The following GALNT10 variants were observed in gnomAD, a reference collection of about 807,000 sequenced individuals.
GALNT10 encodes the protein GalNAc transferase 10.
Under a neutral mutation model 75.0 loss-of-function variants are expected in GALNT10, and 41 were observed. That is an observed-to-expected ratio of 0.55 (90% CI 0.43 to 0.71). The LOEUF (loss-of-function observed/expected upper bound fraction) is 0.71. GALNT10 is among the 30% of genes least tolerant of loss of function. The pLI is 0.00. For synonymous variants in GALNT10, 302 were observed against 313.0 expected (o/e 0.96, Z 0.37); for missense variants, 727 against 818.5 (o/e 0.89, Z 1.36).
chr5:154,238,707 T>G (rs1265949946), intron 1 of GALNT10, among the ~76,000 whole-genome samples: 1 of 152,174 alleles, frequency 6.6e-6, no homozygotes, highest in Non-Finnish European at 1.5e-5. Context: ...AAAGCGAAAT[T>G]GGCCTCATAA....
chr5:154,330,130 T>C (rs1754831052), intron 4 of GALNT10, among the ~76,000 whole-genome samples: 1 of 152,236 alleles, frequency 6.6e-6, no homozygotes, highest in Non-Finnish European at 1.5e-5. Flanking sequence ...TGTTTCTTTG[T>C]TTCTGCTTCC....
chr5:154,386,621 G>GGGGCTGGGC, intron 7 of GALNT10, 191 bp downstream of exon 7: 1 of 387,274 alleles, frequency 2.6e-6, no homozygotes, highest in African/African-American at 2.1e-5. Flanking sequence ...GTGTGGGAGG[G>GGGGCTGGGC]AAGGGGAGTA....
At chr5:154,229,789 T>C (rs1448283184) in intron 1 of GALNT10, among the ~76,000 whole-genome samples, 1 of 152,132 alleles carries the variant, frequency 6.6e-6, no homozygotes, top group East Asian at 1.9e-4. Context: ...GTCTTACTCC[T>C]TCCGTAGTAT....
intron 10 of GALNT10, among the ~76,000 whole-genome samples, chr5:154,415,344 AT>A (rs78241319): frequency 0.21 from 30,481 of 148,274 alleles, 3,192 homozygotes; most frequent in East Asian, 0.42. Flanking sequence ...TTGGTAACTT[AT>A]TTTTTTTTTT....
intron 1 of GALNT10, among the ~76,000 whole-genome samples, chr5:154,210,733 C>G (rs1326083844): frequency 6.6e-6 from 1 of 152,134 alleles, no homozygotes; most frequent in Non-Finnish European, 1.5e-5. Flanking sequence ...GGATTAGATC[C>G]TGAACCAGAA....
intron 6 of GALNT10, among the ~76,000 whole-genome samples, chr5:154,381,317 G>T (rs796648395): frequency 5.9e-5 from 9 of 152,336 alleles, no homozygotes; most frequent in African/African-American, 2.2e-4. Flanking sequence ...TAAGGCTCCA[G>T]AAGGAGGAGC....
At chr5:154,223,919 C>CAA (rs34549433) in intron 1 of GALNT10, among the ~76,000 whole-genome samples, 93 of 144,862 alleles carry the variant, frequency 6.4e-4, no homozygotes, top group Middle Eastern at 3.8e-3. Flanking sequence ...GACCCTGTCT[C>CAA]AAAAAAAAAA....
At chr5:154,202,834 G>C (rs1451501808) in intron 1 of GALNT10, among the ~76,000 whole-genome samples, 3 of 152,156 alleles carry the variant, frequency 2.0e-5, no homozygotes, top group Non-Finnish European at 4.4e-5. Flanking sequence ...CTCTCTGCTT[G>C]TGGGGGTGGG....
At chr5:154,191,116 C>T (rs1212544599) in intron 1 of GALNT10, 91 bp downstream of exon 1, 6 of 876,828 alleles carry the variant, frequency 6.8e-6, no homozygotes, top group Non-Finnish European at 9.4e-6. Flanking sequence ...TGCTGTCTGC[C>T]TCCTCAGAGT....
intron 2 of GALNT10, among the ~76,000 whole-genome samples, chr5:154,297,411 C>T (rs1754292437): frequency 6.6e-6 from 1 of 152,156 alleles, no homozygotes; most frequent in South Asian, 2.1e-4. Context: ...CATCTTTCCT[C>T]GTGTTTATGA....
intron 1 of GALNT10, among the ~76,000 whole-genome samples, chr5:154,204,093 C>T (rs1438258666): frequency 6.6e-6 from 1 of 152,198 alleles, no homozygotes; most frequent in African/African-American, 2.4e-5. Flanking sequence ...GGTTTTGAGG[C>T]AGGAGCCTGA....
intron 1 of GALNT10, among the ~76,000 whole-genome samples, chr5:154,290,863 C>A (rs185793403): frequency 6.6e-6 from 1 of 152,070 alleles, no homozygotes; most frequent in African/African-American, 2.4e-5. Context: ...GTAAGATGAG[C>A]GGAGGTGTAC....
chr5:154,355,131 G>C (rs1755267502), intron 4 of GALNT10, among the ~76,000 whole-genome samples: 1 of 152,172 alleles, frequency 6.6e-6, no homozygotes, highest in Non-Finnish European at 1.5e-5. Flanking sequence ...ACAGATGAGG[G>C]GTGGATGCTG....
intron 4 of GALNT10, among the ~76,000 whole-genome samples, chr5:154,355,992 CA>C (rs1755284773): frequency 6.6e-6 from 1 of 152,324 alleles, no homozygotes; most frequent in South Asian, 2.1e-4. Context: ...ACCTGGCTGC[CA>C]CTGTCAGACA....
intron 4 of GALNT10, among the ~76,000 whole-genome samples, chr5:154,350,540 A>G (rs1755191120): frequency 6.6e-6 from 1 of 152,244 alleles, no homozygotes; most frequent in African/African-American, 2.4e-5. Flanking sequence ...GTTATTCACC[A>G]TAATGCTGCT....
chr5:154,415,286 G>A (rs926833695), intron 10 of GALNT10, among the ~76,000 whole-genome samples: 2 of 152,158 alleles, frequency 1.3e-5, no homozygotes, highest in Non-Finnish European at 2.9e-5. Flanking sequence ...AATACTGTGA[G>A]GGTAAGGATA....
In GALNT10 at chr5:154,337,939, T is replaced by A. The variant is rs1416985550; in HGVS notation, c.568+8201T>A. ...CCATTCACAGGATGGTATTTCTGAA[T>A]GACAGTCTTATCCACGGAGTCATGG... On this transcript the variant is annotated intron_variant, in intron 4 of 11. Coordinates refer to ENST00000297107, the MANE Select transcript of GALNT10 (RefSeq NM_198321.4). 4 of 1,555,470 alleles carry A rather than the reference T, an allele frequency of 2.6e-6. No homozygotes were observed. The East Asian group carries it at 6.7e-5, about 26-fold the overall frequency.
At chr5:154,399,921 C>T (rs12656688) in intron 7 of GALNT10, among the ~76,000 whole-genome samples, 42,945 of 151,936 alleles carry the variant, frequency 0.28, 6,790 homozygotes, top group Non-Finnish European at 0.36. Flanking sequence ...GGTGGGAGGA[C>T]TGCTTGAGCC....
chr5:154,398,664 C>A (rs961482730), intron 7 of GALNT10, among the ~76,000 whole-genome samples: 1 of 152,232 alleles, frequency 6.6e-6, no homozygotes, highest in Non-Finnish European at 1.5e-5. Flanking sequence ...CCCACAACCA[C>A]ATGGAGCAGT....
Sources: gnomAD v4.1 joint callset for allele counts (sites outside exome capture counted in the v4.1 genomes callset) on GRCh38, gnomAD v4.1.1 for gene constraint, MANE v1.5 for transcripts, NCBI Gene and HGNC (gene_info 2026-07-23, HGNC 2026-07-21) for gene names.